CREB5: variants seen among roughly 807,000 people sequenced by gnomAD.
CREB5 encodes cAMP responsive element binding protein 5.
A neutral mutation model predicts 57.1 loss-of-function variants in CREB5; 19 were observed. The ratio of observed to expected loss-of-function variants is 0.33; its 90% CI spans 0.23 to 0.49. The LOEUF is 0.49. CREB5 is among the 20% of genes least tolerant of loss of function. The pLI, the probability that CREB5 is intolerant of heterozygous loss-of-function variation, is 0.99. For synonymous variants in CREB5, 238 were observed against 238.3 expected (o/e 1.00, Z 0.01); for missense variants, 579 against 671.6 (o/e 0.86, Z 1.52).
intron 1 of CREB5, among the ~76,000 whole-genome samples, chr7:28,376,608 T>C (rs1786834711): frequency 6.6e-6 from 1 of 152,162 alleles, no homozygotes; most frequent in African/African-American, 2.4e-5. Flanking sequence ...TTAATGAATT[T>C]AATGCAGAAC....
intron 5 of CREB5, among the ~76,000 whole-genome samples, chr7:28,696,578 G>A (rs999567560): frequency 1.1e-4 from 16 of 152,058 alleles, no homozygotes; most frequent in African/African-American, 3.4e-4. Flanking sequence ...TGAACCATCC[G>A]GGAAGAAAAT....
intron 7 of CREB5, among the ~76,000 whole-genome samples, chr7:28,765,641 C>T (rs1011928953): frequency 2.6e-5 from 4 of 152,100 alleles, no homozygotes; most frequent in African/African-American, 9.7e-5. Context: ...TAAAAAAAGA[C>T]GAAAATATTT....
intron 9 of CREB5, among the ~76,000 whole-genome samples, chr7:28,816,055 G>A (rs1296006469): frequency 2.8e-5 from 4 of 145,258 alleles, no homozygotes; most frequent in African/African-American, 5.1e-5. Context: ...AAATATATAC[G>A]CACACACACA....
At chr7:28,300,175 G>T (rs1001829529) in intron 1 of CREB5, among the ~76,000 whole-genome samples, 11 of 151,742 alleles carry the variant, frequency 7.2e-5, no homozygotes, top group African/African-American at 2.7e-4. Context: ...TCCATTACCC[G>T]TGCAAGGATT....
chr7:28,388,198 A>G (rs1787148368), intron 1 of CREB5, among the ~76,000 whole-genome samples: 1 of 152,174 alleles, frequency 6.6e-6, no homozygotes, highest in Non-Finnish European at 1.5e-5. Flanking sequence ...GGTTTTCTGA[A>G]TTGCACAGGT....
intron 4 of CREB5, among the ~76,000 whole-genome samples, chr7:28,537,808 C>T (rs71539570): frequency 0.15 from 23,039 of 152,196 alleles, 2,102 homozygotes; most frequent in East Asian, 0.31. Context: ...TTCTTTTTGG[C>T]ATCCATTCTT....
chr7:28,393,208 G>A (rs1249652011), intron 1 of CREB5, among the ~76,000 whole-genome samples: 3 of 152,176 alleles, frequency 2.0e-5, no homozygotes, highest in African/African-American at 2.4e-5. Context: ...ATTTATAGGC[G>A]TGAGCCACCA....
intron 7 of CREB5, among the ~76,000 whole-genome samples, chr7:28,802,325 AT>A (rs1245446914): frequency 6.6e-6 from 1 of 151,738 alleles, no homozygotes; most frequent in South Asian, 2.1e-4. Flanking sequence ...TTTTTTATTT[AT>A]TTTTTTTCTT....
intron 1 of CREB5, among the ~76,000 whole-genome samples, chr7:28,347,422 G>T (rs185858779): frequency 3.3e-5 from 5 of 152,220 alleles, no homozygotes; most frequent in Admixed American, 2.0e-4. Flanking sequence ...TTGAGTTCAA[G>T]AATAGAAAAT....
intron 9 of CREB5, among the ~76,000 whole-genome samples, chr7:28,810,563 G>T (rs922518289): frequency 6.6e-6 from 1 of 152,140 alleles, no homozygotes; most frequent in Non-Finnish European, 1.5e-5. Context: ...AGGTGTGGTG[G>T]TGCATTCCTG....
intron 4 of CREB5, 133 bp downstream of exon 4, chr7:28,507,870 AT>A (rs981524553): frequency 3.7e-5 from 41 of 1,122,590 alleles, no homozygotes; most frequent in African/African-American, 9.5e-5. Context: ...TATTTGTCTA[AT>A]TTTTTTTAAA....
chr7:28,546,601 G>C (rs953137595), intron 4 of CREB5, among the ~76,000 whole-genome samples: 1 of 152,196 alleles, frequency 6.6e-6, no homozygotes, highest in Non-Finnish European at 1.5e-5. Context: ...TCGTATGAGA[G>C]GGATGTGCAT....
At chr7:28,362,438 T>C (rs117851389) in intron 1 of CREB5, among the ~76,000 whole-genome samples, 3,922 of 152,356 alleles carry the variant, frequency 0.026, 103 homozygotes, top group Admixed American at 0.058. Flanking sequence ...AATATTTTAG[T>C]CATTTTTAAG....
At chr7:28,757,261 G>A (rs995560235) in intron 7 of CREB5, among the ~76,000 whole-genome samples, 1 of 152,224 alleles carries the variant, frequency 6.6e-6, no homozygotes, top group African/African-American at 2.4e-5. Context: ...AAGTCACACA[G>A]TTAGTAAGTA....
intron 4 of CREB5, among the ~76,000 whole-genome samples, chr7:28,551,899 CTCTTT>C (rs777389781): frequency 9.4e-4 from 113 of 120,340 alleles, no homozygotes; most frequent in Admixed American, 3.7e-3. Context: ...TTCTTTCTTT[CTCTTT>C]TCTTTTCTTT....
chr7:28,723,262 T>C (rs1024834317), intron 6 of CREB5, among the ~76,000 whole-genome samples: 2 of 152,216 alleles, frequency 1.3e-5, no homozygotes, highest in Non-Finnish European at 2.9e-5. Context: ...TTTATTCTTA[T>C]TCTTTTAAAA....
At chr7:28,585,689 C>T (rs554589097) in intron 5 of CREB5, among the ~76,000 whole-genome samples, 220 of 152,174 alleles carry the variant, frequency 1.4e-3, no homozygotes, top group African/African-American at 4.4e-3. Context: ...CCTAATGCTC[C>T]GAGAAATCCA....
At chr7:28,769,505 AAT>A (rs1001615148) in intron 7 of CREB5, among the ~76,000 whole-genome samples, 1 of 152,214 alleles carries the variant, frequency 6.6e-6, no homozygotes, top group Non-Finnish European at 1.5e-5. Context: ...AAAATTAGTA[AAT>A]ATAAATTAAT....
chr7:28,494,976 T>TA lies in CREB5; in HGVS notation c.151dup (p.Thr51AsnfsTer53). On this transcript the variant is annotated frameshift_variant, in exon 3 of 11. Transcript: ENST00000357727. LOFTEE classifies it high-confidence loss of function. ...GAAATGACTTTGAAGTTTCCTTCAA[T>TA]AAAAACAGACAATATGTTATCAGGT... 6.2e-7 allele frequency: 1 copy of TA among 1,608,826 alleles called. No homozygotes were observed. The highest frequency in any genetic ancestry group is 8.5e-7 in the Non-Finnish European group (1 of 1,178,790).
Sources: gnomAD v4.1 joint callset for allele counts (sites outside exome capture counted in the v4.1 genomes callset) on GRCh38, gnomAD v4.1.1 for gene constraint, MANE v1.5 for transcripts, NCBI Gene and HGNC (gene_info 2026-07-23, HGNC 2026-07-21) for gene names.